The following DRAM1 variants were observed in gnomAD, a reference collection of about 807,000 sequenced individuals.
DRAM1 encodes DNA damage-regulated autophagy modulator protein 1.
A neutral mutation model predicts 28.5 loss-of-function variants in DRAM1; 25 were observed. That is an observed-to-expected ratio of 0.88 (90% confidence interval 0.64 to 1.23). The LOEUF is 1.23. DRAM1 is among the 50% of genes most tolerant of loss of function. The pLI is 0.00. For synonymous variants in DRAM1, 113 were observed against 114.2 expected (o/e 0.99, Z 0.07); for missense variants, 249 against 299.2 (o/e 0.83, Z 1.24).
chr12:101,895,563 G>A (rs2121074686), intron 1 of DRAM1, among the ~76,000 whole-genome samples: 1 of 86,136 alleles, frequency 1.2e-5, no homozygotes, highest in East Asian at 5.7e-4. Flanking sequence ...TGTAAGGGAG[G>A]CTATTTTTTT....
intron 1 of DRAM1, among the ~76,000 whole-genome samples, chr12:101,885,029 G>C (rs1292833366): frequency 6.6e-6 from 1 of 151,670 alleles, no homozygotes; most frequent in Non-Finnish European, 1.5e-5. Flanking sequence ...CTGCCACCTG[G>C]TTCAAGCGAT....
chr12:101,894,579 A>C (rs1456339481), intron 1 of DRAM1, among the ~76,000 whole-genome samples: 7 of 152,264 alleles, frequency 4.6e-5, no homozygotes, highest in African/African-American at 1.7e-4. Context: ...AAATGTACAG[A>C]TAAGCAAGAA....
At chr12:101,901,191 G>T in intron 2 of DRAM1, 100 bp from the exon 3 acceptor site, 1 of 1,349,070 alleles carries the variant, frequency 7.4e-7, no homozygotes. Flanking sequence ...GGGGAGACTT[G>T]CAATCAGTAC....
At chr12:101,894,696 G>A (rs1873281295) in intron 1 of DRAM1, among the ~76,000 whole-genome samples, 1 of 152,154 alleles carries the variant, frequency 6.6e-6, no homozygotes, top group Non-Finnish European at 1.5e-5. Context: ...AATAGACAGA[G>A]TCCCCAGGTC....
At chr12:101,898,539 A>G (rs998278214) in intron 2 of DRAM1, among the ~76,000 whole-genome samples, 1 of 152,240 alleles carries the variant, frequency 6.6e-6, no homozygotes, top group Non-Finnish European at 1.5e-5. Flanking sequence ...ATTTATGGTC[A>G]AGACACTTAT....
intron 4 of DRAM1, 109 bp downstream of exon 4, chr12:101,908,472 G>T: frequency 1.8e-6 from 2 of 1,142,228 alleles, no homozygotes; most frequent in South Asian, 3.1e-5. Context: ...AGTTCTGACA[G>T]CAGGGCGGAG....
chr12:101,902,474 C>G (rs892348578), intron 3 of DRAM1, among the ~76,000 whole-genome samples: 2 of 152,164 alleles, frequency 1.3e-5, no homozygotes, highest in Non-Finnish European at 2.9e-5. Flanking sequence ...GTTCTACCAT[C>G]AGGATGCACA....
chr12:101,921,471 T>C lies in DRAM1; in HGVS notation c.*211T>C. ...AGCCTTATGACACTGTAGTGATGTT[T>C]TTATAATTTTCTAAGTAGATTTTTT... is the stretch of plus-strand genomic sequence containing the variant. On this transcript the variant is annotated 3_prime_UTR_variant, in exon 7 of 7. Transcript: ENST00000258534. The C allele has an allele frequency of 2.6e-6, 1 of 390,296 alleles. No homozygotes were observed. The highest frequency in any genetic ancestry group is 8.3e-5 in the South Asian group (1 of 12,114). The allele number at this position is 390,296 out of a possible 1,614,324, so 24.2% of individuals were successfully genotyped here.
intron 3 of DRAM1, among the ~76,000 whole-genome samples, chr12:101,904,641 C>T (rs751791957): frequency 4.9e-4 from 74 of 151,014 alleles, no homozygotes; most frequent in South Asian, 4.2e-4. Context: ...TGGGGTTTCA[C>T]CACATTAGCC....
At chr12:101,905,094 C>A (rs1229166224) in intron 3 of DRAM1, among the ~76,000 whole-genome samples, 1 of 151,988 alleles carries the variant, frequency 6.6e-6, no homozygotes, top group Non-Finnish European at 1.5e-5. Flanking sequence ...GAGATGGGGT[C>A]TTGCTATGTT....
In DRAM1 at chr12:101,921,581, G is replaced by T. The variant is rs4764677; in HGVS notation, c.*321G>T. The T allele has an allele frequency of 0.48, 83,562 of 174,320 alleles. 19,519 individuals carry two copies. Among genetic ancestry groups the T allele is most frequent in the African/African-American group, 0.68 (25,223 of 37,108 alleles). 10.8% of individuals were successfully genotyped at this position (174,320 alleles called of 1,614,324 possible). A position where few individuals can be genotyped will look rare whatever the true frequency, so the allele number is the denominator to read the frequency against. ...TTTTTGTACAGATTCTGTCGTTTTT[G>T]TTTTATTTGTGTGAGATTTATGGAA... is the stretch of plus-strand genomic sequence containing the variant. On this transcript the variant is annotated 3_prime_UTR_variant, in exon 7 of 7. Transcript: ENST00000258534.
At chr12:101,893,176 A>G (rs1873203641) in intron 1 of DRAM1, among the ~76,000 whole-genome samples, 1 of 152,250 alleles carries the variant, frequency 6.6e-6, no homozygotes, top group African/African-American at 2.4e-5. Flanking sequence ...CAAAGGCATA[A>G]TGATGTCTTC....
chr12:101,917,895 G>T (rs1874319966), intron 5 of DRAM1, among the ~76,000 whole-genome samples: 1 of 152,182 alleles, frequency 6.6e-6, no homozygotes, highest in Non-Finnish European at 1.5e-5. Flanking sequence ...AGCAGTTCAG[G>T]TGTACTTTAC....
chr12:101,885,592 A>C (rs941423001), intron 1 of DRAM1, among the ~76,000 whole-genome samples: 4 of 139,526 alleles, frequency 2.9e-5, no homozygotes, highest in African/African-American at 1.1e-4. Flanking sequence ...CAGTGGCATG[A>C]TCTCAGCTCA....
rs60052429 is a variant in DRAM1 at position 101,919,260 on chromosome 12, CCACAGACA to C, written c.580-836_580-829del. 6.1e-3 allele frequency among the ~76,000 whole-genome samples: 921 copies of C among 151,264 alleles called. 8 individuals carry two copies. Among genetic ancestry groups the C allele is most frequent in the African/African-American group, 0.021 (855 of 41,214 alleles). On this transcript the variant is annotated intron_variant, in intron 5 of 6. Coordinates refer to ENST00000258534, the MANE Select transcript of DRAM1 (RefSeq NM_018370.3). The stretch of plus-strand genomic sequence containing the variant: ...CAGGAGATATCACACACAGACACAT[CCACAGACA>C]CACAGACACACACACGCACACACAC...
At chr12:101,879,883 A>G (rs1399569082) in intron 1 of DRAM1, among the ~76,000 whole-genome samples, 1 of 151,730 alleles carries the variant, frequency 6.6e-6, no homozygotes, top group Non-Finnish European at 1.5e-5. Context: ...AGTCCCAGCT[A>G]CTCGGGAGGC....
At chr12:101,888,335 T>C (rs1256104432) in intron 1 of DRAM1, among the ~76,000 whole-genome samples, 2 of 152,042 alleles carry the variant, frequency 1.3e-5, no homozygotes, top group East Asian at 3.9e-4. Context: ...TTTACCATGT[T>C]GGTTAGGCTG....
rs776127952 is a variant in DRAM1 at position 101,908,377 on chromosome 12, C to T, written c.520+14C>T. 58 of 1,599,930 alleles carry T rather than the reference C, an allele frequency of 3.6e-5. No individual in the cohort carries two copies. The highest frequency in any genetic ancestry group is 4.9e-5 in the Non-Finnish European group (57 of 1,174,318). ...CTGTCATCCCCAGTATCCTTTTTCA[C>T]ATTTGTGCCTTGTTAAAGGAATAAA... On this transcript the variant is annotated intron_variant, in intron 4 of 6. Transcript: ENST00000258534.
chr12:101,905,791 T>TTATTTATG (rs1873783250), intron 3 of DRAM1, among the ~76,000 whole-genome samples: 2 of 150,040 alleles, frequency 1.3e-5, no homozygotes, highest in African/African-American at 2.5e-5. Context: ...ATTTATGTAT[T>TTATTTATG]TATTTATTTT....
Sources: allele counts gnomAD v4.1 joint callset (sites outside exome capture counted in the v4.1 genomes callset), GRCh38; gene constraint gnomAD v4.1.1; transcripts MANE v1.5; gene names NCBI Gene and HGNC (gene_info 2026-07-23, HGNC 2026-07-21).